Variants in TERB2 observed in about 807,000 individuals in gnomAD.
TERB2 encodes the protein telomere repeats-binding bouquet formation protein 2.
TERB2 carries 26 observed loss-of-function variants against 29.8 expected under a neutral mutation model. That is an observed-to-expected ratio of 0.87 (90% CI 0.64 to 1.21). The LOEUF (loss-of-function observed/expected upper bound fraction) is 1.21. Among genes scored for constraint, TERB2 ranks in the 50% most tolerant of loss-of-function variants. The pLI, the probability that TERB2 is intolerant of heterozygous loss-of-function variation, is 0.00. For missense variants in TERB2, 240 were observed against 268.6 expected (o/e 0.89, Z 0.74); for synonymous variants, 80 against 90.8 (o/e 0.88, Z 0.68).
chr15:44,960,000 T>C (rs1891776680), intron 3 of TERB2, among the ~76,000 whole-genome samples: 1 of 152,222 alleles, frequency 6.6e-6, no homozygotes, highest in Admixed American at 6.5e-5. Flanking sequence ...TCTAAGTAGT[T>C]ACATAAATCA....
intron 6 of TERB2, among the ~76,000 whole-genome samples, chr15:44,974,340 G>A (rs2141245102): frequency 6.6e-6 from 1 of 152,176 alleles, no homozygotes; most frequent in Admixed American, 6.5e-5. Context: ...CCTTTCCTTA[G>A]CATACACACA....
intron 3 of TERB2, among the ~76,000 whole-genome samples, chr15:44,959,796 T>C (rs1891773842): frequency 6.6e-6 from 1 of 152,192 alleles, no homozygotes; most frequent in African/African-American, 2.4e-5. Context: ...ATCATACATA[T>C]CGTAGATACG....
At position 44,963,804 on chromosome 15, in the gene TERB2, C is replaced by CTTTTTTTTT. The variant is rs34438861; in HGVS notation, c.348+2236_348+2244dup. Among the ~76,000 whole-genome samples the CTTTTTTTTT allele has an allele frequency of 8.0e-4, 63 of 79,166 alleles. 3 individuals carry two copies. The highest frequency in any genetic ancestry group is 1.3e-3 in the African/African-American group (24 of 18,038). 51.9% of individuals were successfully genotyped at this position (79,166 alleles called of 152,430 possible). Reference sequence around the variant, plus strand: ...GGTATATGGTATTTATTATACTATTCTTTTTTTTTTTTTTTTTTTTTTTTG... The same window carrying CTTTTTTTTT: ...GGTATATGGTATTTATTATACTATTCTTTTTTTTTTTTTTTTTTTTTTTTTTTTTTTTTG... On this transcript the variant is annotated intron_variant, in intron 4 of 6. Transcript: ENST00000340827.
At position 44,968,584 on chromosome 15, in the gene TERB2, CTTTTTTTTTTTTTTTTTT is replaced by C. The variant is rs34188520; in HGVS notation, c.434+2351_434+2368del. Among the ~76,000 whole-genome samples the C allele has an allele frequency of 1.3e-4, 13 of 98,488 alleles. No individual in the cohort carries two copies. In the Admixed American group the frequency reaches 1.5e-3, roughly 11 times the overall value. 64.6% of individuals were successfully genotyped at this position (98,488 alleles called of 152,430 possible). On this transcript the variant is annotated intron_variant, in intron 5 of 6. Transcript: ENST00000340827. ...CATATGGCATTTCATTTTGTTTAAC[CTTTTTTTTTTTTTTTTTT>C]TTTTTTTTTGAGACAAAAGCTCACT...
intron 5 of TERB2, among the ~76,000 whole-genome samples, chr15:44,967,946 C>T (rs1408106562): frequency 9.8e-6 from 1 of 102,504 alleles, no homozygotes; most frequent in Non-Finnish European, 1.9e-5. Flanking sequence ...AAAAATATGT[C>T]CAATCCAAAA....
intron 5 of TERB2, among the ~76,000 whole-genome samples, chr15:44,972,517 C>CTTT (rs5812285): frequency 1.5e-5 from 2 of 133,994 alleles, no homozygotes; most frequent in South Asian, 2.3e-4. Flanking sequence ...ATCCTTTTAG[C>CTTT]TTTTTTTTTT....
chr15:44,974,053 G>C (rs985075804), intron 6 of TERB2, 98 bp downstream of exon 6: 3 of 1,167,502 alleles, frequency 2.6e-6, no homozygotes, highest in Middle Eastern at 5.0e-4. Context: ...CTAGAGAGTA[G>C]AGCCTTCTCT....
chr15:44,960,975 C>T (rs60096984), intron 3 of TERB2, among the ~76,000 whole-genome samples: 2,501 of 151,696 alleles, frequency 0.016, 21 homozygotes, highest in Middle Eastern at 0.031. Flanking sequence ...GCTATATAGA[C>T]ATTAGATATA....
chr15:44,969,103 A>C (rs1007080750), intron 5 of TERB2, among the ~76,000 whole-genome samples: 3 of 151,418 alleles, frequency 2.0e-5, no homozygotes, highest in Non-Finnish European at 4.4e-5. Flanking sequence ...GGCTAATTAA[A>C]AAAATTAATT....
intron 6 of TERB2, among the ~76,000 whole-genome samples, chr15:44,974,852 T>C (rs1332264428): frequency 6.6e-6 from 1 of 152,206 alleles, no homozygotes; most frequent in African/African-American, 2.4e-5. Flanking sequence ...CACAGCTTCC[T>C]AGATCATAGA....
chr15:44,968,127 T>G (rs1163465412), intron 5 of TERB2, among the ~76,000 whole-genome samples: 1 of 145,912 alleles, frequency 6.9e-6, no homozygotes, highest in African/African-American at 2.6e-5. Context: ...TTTTTTTACA[T>G]CATACAAACT....
intron 6 of TERB2, among the ~76,000 whole-genome samples, chr15:44,976,486 A>G (rs988339788): frequency 1.3e-5 from 2 of 152,224 alleles, no homozygotes; most frequent in Non-Finnish European, 2.9e-5. Flanking sequence ...CTCAGAGTGA[A>G]AAATCCAAGA....
chr15:44,977,498 A>G (rs1892062715), intron 6 of TERB2, among the ~76,000 whole-genome samples: 1 of 152,212 alleles, frequency 6.6e-6, no homozygotes, highest in East Asian at 1.9e-4. Context: ...GCACTAGTTT[A>G]TTTTACACAG....
intron 6 of TERB2, among the ~76,000 whole-genome samples, chr15:44,975,421 G>A (rs745797865): frequency 6.6e-6 from 1 of 151,990 alleles, no homozygotes; most frequent in Non-Finnish European, 1.5e-5. Flanking sequence ...TACTAATTTA[G>A]GCTGTGGTAT....
intron 5 of TERB2, among the ~76,000 whole-genome samples, chr15:44,968,621 G>C (rs11070438): frequency 0.22 from 17,960 of 80,080 alleles, 1,756 homozygotes; most frequent in East Asian, 0.42. Flanking sequence ...TGAGACAAAA[G>C]CTCACTCTGA....
At chr15:44,962,761 G>A (rs1891826789) in intron 4 of TERB2, 1 of 152,026 alleles carries the variant, frequency 6.6e-6, no homozygotes, top group East Asian at 1.9e-4. Context: ...GCCAAATTTG[G>A]GAACAATTGA....
chr15:44,973,918 C>G lies in TERB2; in HGVS notation c.486C>G (p.Phe162Leu). ...RTPVVEKQMY[F>L]PLQNYPVNNM... ...CAGTTGTAGAAAAGCAGATGTACTT[C>G]CCTCTACAGAATTACCCAGTTAACA... The change falls in exon 6 of 7, where the codon TTC (phenylalanine) becomes TTG (leucine). Residue 162 changes from phenylalanine to leucine, a missense_variant. Phe to Leu is a conservative substitution (Grantham distance 22). Coordinates refer to ENST00000340827, the MANE Select transcript of TERB2 (RefSeq NM_152448.3). The G allele has an allele frequency of 6.2e-7, 1 of 1,601,192 alleles. No individual in the cohort carries two copies. The highest frequency in any genetic ancestry group is 2.3e-5 in the East Asian group (1 of 44,186).
chr15:44,973,869 C>T lies in TERB2; in HGVS notation c.437C>T (p.Pro146Leu). 6.3e-7 allele frequency: 1 copy of T among 1,585,322 alleles called. No homozygotes were observed. The highest frequency in any genetic ancestry group is 2.3e-5 in the East Asian group (1 of 43,512). ...TTTCTGTATGCTTTATTTTACAGCC[C>T]AGAAAAGCATTTTATAAGAACTCCA... ...TEHKKELSKS[P>L]EKHFIRTPVV... Residue 146 changes from proline (P) to leucine (L), a missense_variant and splice_region_variant, in exon 6 of 7, where the codon CCA (proline) becomes CTA (leucine). Transcript: ENST00000340827.
Position 44,969,909 on chromosome 15 carries a change from C to T in TERB2, c.434+3666C>T, listed in dbSNP as rs553314086. On this transcript the variant is annotated intron_variant, in intron 5 of 6. Transcript: ENST00000340827. ...TAATATCATACAGTATGTTCAAATGCATATACTAAAGAACTCTACAAAATT... is the reference window on the plus strand; with the variant it reads ...TAATATCATACAGTATGTTCAAATGTATATACTAAAGAACTCTACAAAATT... 12 of 151,628 alleles carry T rather than the reference C, an allele frequency of 7.9e-5. No homozygotes were observed. In the East Asian group the frequency reaches 1.5e-3, roughly 20 times the overall value. The allele number at this position is 151,628 out of a possible 1,614,324, so 9.4% of individuals were successfully genotyped here.
Sources: gnomAD v4.1 joint callset for allele counts (sites outside exome capture counted in the v4.1 genomes callset) on GRCh38, gnomAD v4.1.1 for gene constraint, MANE v1.5 for transcripts, NCBI Gene and HGNC (gene_info 2026-07-23, HGNC 2026-07-21) for gene names.